Variants in SPHKAP observed in about 807,000 individuals in gnomAD.
SPHKAP encodes SPHK1 interactor, AKAP domain containing.
SPHKAP carries 67 observed loss-of-function variants against 137.5 expected under a neutral mutation model. That is an observed-to-expected ratio of 0.49 (90% confidence interval 0.40 to 0.60). The LOEUF is 0.60. SPHKAP is among the 20% of genes least tolerant of loss of function. The pLI is 0.00. For missense variants in SPHKAP, 2,097 were observed against 2,069.3 expected, an observed-to-expected ratio of 1.01 and a Z score of -0.26; for synonymous variants, 813 against 785.3, an observed-to-expected ratio of 1.04 and a Z score of -0.59.
Position 228,018,775 on chromosome 2 carries a change from A to G in SPHKAP, c.2079T>C (p.Asn693=). The change falls in exon 7 of 12, where the codon AAT becomes AAC. Residue 693 remains asparagine, a synonymous_variant. Coordinates refer to ENST00000392056, the MANE Select transcript of SPHKAP (RefSeq NM_001142644.2). The part of the protein sequence containing the change: ...VHHKNMIIDP[N]DNRHSSEILD... Reference sequence around the variant, plus strand: ...GAATTTCAGATGAATGCCTGTTGTCATTGGGGTCGATTATCATATTTTTGT... The same window carrying G: ...GAATTTCAGATGAATGCCTGTTGTCGTTGGGGTCGATTATCATATTTTTGT... 1 of 1,614,182 alleles carries G rather than the reference A, an allele frequency of 6.2e-7. No individual in the cohort carries two copies. The highest frequency in any genetic ancestry group is 1.1e-5 in the South Asian group (1 of 91,084).
intron 1 of SPHKAP, among the ~76,000 whole-genome samples, chr2:228,139,811 A>G (rs927407839): frequency 1.3e-5 from 2 of 152,114 alleles, no homozygotes; most frequent in African/African-American, 4.8e-5. Flanking sequence ...TCCTGCTGCT[A>G]AGTTAATTTT....
intron 5 of SPHKAP, among the ~76,000 whole-genome samples, chr2:228,024,348 T>TG (rs1694951283): frequency 3.2e-5 from 4 of 124,160 alleles, no homozygotes; most frequent in African/African-American, 1.3e-4. Flanking sequence ...GGCAGTTTTT[T>TG]TTTTTTTTTT....
chr2:228,147,752 C>A (rs926430340), intron 1 of SPHKAP, among the ~76,000 whole-genome samples: 1 of 152,118 alleles, frequency 6.6e-6, no homozygotes, highest in Non-Finnish European at 1.5e-5. Flanking sequence ...TTATAGAGCA[C>A]CTATTTTGCC....
chr2:228,103,417 G>A (rs1698235887), intron 3 of SPHKAP, among the ~76,000 whole-genome samples: 1 of 152,198 alleles, frequency 6.6e-6, no homozygotes, highest in Admixed American at 6.5e-5. Context: ...AGCCTCCCAA[G>A]TAGGTCCCTT....
chr2:228,140,439 T>C (rs1699569133), intron 1 of SPHKAP, among the ~76,000 whole-genome samples: 1 of 152,178 alleles, frequency 6.6e-6, no homozygotes, highest in African/African-American at 2.4e-5. Flanking sequence ...CTCACTCTGA[T>C]ACTCTGATAT....
At chr2:228,157,224 G>A (rs1471037834) in intron 1 of SPHKAP, among the ~76,000 whole-genome samples, 1 of 152,080 alleles carries the variant, frequency 6.6e-6, no homozygotes, top group East Asian at 1.9e-4. Context: ...TAAGAATCAG[G>A]TCAGGAAACA....
Position 227,981,796 on chromosome 2 carries a change from A to T in SPHKAP, c.5024T>A (p.Val1675Asp). Residue 1675 changes from valine (V) to aspartate (D), a missense_variant, in exon 12 of 12, where the codon GTT becomes GAT. By Grantham distance (152) the Val-to-Asp change is radical. Transcript: ENST00000392056. ...CTCATGCATTTTGCAGTACTGGACA[A>T]CTGCATGGAAGATATCACCCACTTT... ...SWKVGDIFHA[V>D]VQYCKMHEEQ... 1 of 1,613,828 alleles carries T rather than the reference A, an allele frequency of 6.2e-7. No individual in the cohort carries two copies. The highest frequency in any genetic ancestry group is 1.3e-5 in the African/African-American group (1 of 75,006).
chr2:228,064,578 A>G (rs1696764460), intron 3 of SPHKAP, among the ~76,000 whole-genome samples: 2 of 152,352 alleles, frequency 1.3e-5, no homozygotes, highest in African/African-American at 4.8e-5. Context: ...CCTGGGGCGT[A>G]TCAGTCATTT....
chr2:227,986,837 A>G (rs1693229620), intron 11 of SPHKAP, among the ~76,000 whole-genome samples: 1 of 152,130 alleles, frequency 6.6e-6, no homozygotes, highest in Non-Finnish European at 1.5e-5. Context: ...CAGCTACCCC[A>G]GCTCAGAGAA....
At chr2:228,024,321 G>T (rs1694947901) in intron 5 of SPHKAP, among the ~76,000 whole-genome samples, 2 of 148,248 alleles carry the variant, frequency 1.3e-5, no homozygotes, top group African/African-American at 2.5e-5. Flanking sequence ...GCTAGGAAAA[G>T]TGTTCTATAA....
At chr2:228,100,314 A>G (rs577000776) in intron 3 of SPHKAP, among the ~76,000 whole-genome samples, 2 of 152,104 alleles carry the variant, frequency 1.3e-5, no homozygotes, top group Non-Finnish European at 2.9e-5. Context: ...TACTATCTGG[A>G]TGCCTTTTAT....
chr2:228,126,863 G>A (rs1007724185), intron 2 of SPHKAP, among the ~76,000 whole-genome samples: 3 of 152,176 alleles, frequency 2.0e-5, no homozygotes, highest in Non-Finnish European at 2.9e-5. Context: ...TTGTGTCTGG[G>A]TAGGATTCCT....
intron 3 of SPHKAP, among the ~76,000 whole-genome samples, chr2:228,061,160 G>A (rs955555740): frequency 1.3e-5 from 2 of 152,220 alleles, no homozygotes; most frequent in Non-Finnish European, 1.5e-5. Flanking sequence ...CAGCAGATGT[G>A]CTCTGTTGGT....
chr2:228,154,100 T>C (rs1700020870), intron 1 of SPHKAP, among the ~76,000 whole-genome samples: 1 of 152,026 alleles, frequency 6.6e-6, no homozygotes, highest in East Asian at 1.9e-4. Context: ...AAATGAAAAA[T>C]AGAATCAACC....
At position 228,115,367 on chromosome 2, in the gene SPHKAP, A is replaced by G. The variant is rs377511655; in HGVS notation, c.139-6428T>C. Among the ~76,000 whole-genome samples, 43 of 152,102 alleles carry G rather than the reference A, an allele frequency of 2.8e-4. No homozygotes were observed. In the East Asian group the frequency reaches 5.3e-3, roughly 19 times the overall value. On this transcript the variant is annotated intron_variant, in intron 2 of 11. Transcript: ENST00000392056. ...ACAAACTCCCTCCTTCCCCACTTCC[A>G]GTGCCTGAAAGAAACCTGACTTCCT...
intron 1 of SPHKAP, among the ~76,000 whole-genome samples, chr2:228,137,352 C>T (rs1326297744): frequency 6.6e-6 from 1 of 152,152 alleles, no homozygotes; most frequent in Non-Finnish European, 1.5e-5. Flanking sequence ...AAATTAGGCA[C>T]AAACAAGTGT....
chr2:228,022,719 C>T (rs567727166), intron 5 of SPHKAP, among the ~76,000 whole-genome samples: 13 of 152,212 alleles, frequency 8.5e-5, no homozygotes, highest in African/African-American at 3.1e-4. Flanking sequence ...GGTCTAGAGT[C>T]AGGAAGGAGC....
intron 7 of SPHKAP, among the ~76,000 whole-genome samples, chr2:228,002,689 C>T (rs958820502): frequency 1.8e-4 from 28 of 152,178 alleles, no homozygotes; most frequent in South Asian, 2.1e-4. Flanking sequence ...TCTAGGGTTT[C>T]TATGGTTTTA....
chr2:228,043,526 C>T (rs1411163704), intron 3 of SPHKAP, among the ~76,000 whole-genome samples: 7 of 152,146 alleles, frequency 4.6e-5, no homozygotes, highest in Admixed American at 4.6e-4. Context: ...AGGGTTTCAC[C>T]ATGTTGGTCA....
Sources: gnomAD v4.1 joint callset for allele counts (sites outside exome capture counted in the v4.1 genomes callset) on GRCh38, gnomAD v4.1.1 for gene constraint, MANE v1.5 for transcripts, NCBI Gene and HGNC (gene_info 2026-07-23, HGNC 2026-07-21) for gene names.